PPP6R1: variants seen among roughly 807,000 people sequenced by gnomAD.
PPP6R1 encodes the protein serine/threonine-protein phosphatase 6 regulatory subunit 1.
PPP6R1 carries 39 observed loss-of-function variants against 104.6 expected under a neutral mutation model. The observed-to-expected ratio is 0.37, with a 90% confidence interval of 0.29 to 0.49. The LOEUF (loss-of-function observed/expected upper bound fraction) is 0.49. Among genes scored for constraint, PPP6R1 ranks in the 20% least tolerant of loss-of-function variants. The pLI is 0.98. For synonymous variants in PPP6R1, 549 were observed against 479.0 expected (o/e 1.15, Z -1.91); for missense variants, 1,181 against 1,155.8 (o/e 1.02, Z -0.32).
downstream of PPP6R1, chr19:55,228,713 A>G: frequency 6.2e-7 from 1 of 1,613,198 alleles, no homozygotes; most frequent in Non-Finnish European, 8.5e-7. Context: ...GTGAGTCTTC[A>G]GGGTCTGCCC....
chr19:55,231,358 A>G, intron 21 of PPP6R1, 52 bp downstream of exon 21: 3 of 1,516,144 alleles, frequency 2.0e-6, no homozygotes, highest in Non-Finnish European at 2.7e-6. Context: ...CACCTCAGCG[A>G]AGAGGAGAAA....
downstream of PPP6R1, chr19:55,228,773 T>C: frequency 6.2e-7 from 1 of 1,609,312 alleles, no homozygotes; most frequent in Non-Finnish European, 8.5e-7. Flanking sequence ...CGACCTAATC[T>C]GGGAGCGAGT....
intron 1 of PPP6R1, among the ~76,000 whole-genome samples, chr19:55,257,384 T>C (rs1301234899): frequency 6.6e-6 from 1 of 152,218 alleles, no homozygotes; most frequent in African/African-American, 2.4e-5. Context: ...ACATCTTGCC[T>C]TTCAGGCGGG....
At chr19:55,256,070 A>G (rs2087590900) in intron 1 of PPP6R1, among the ~76,000 whole-genome samples, 1 of 152,242 alleles carries the variant, frequency 6.6e-6, no homozygotes, top group Non-Finnish European at 1.5e-5. Flanking sequence ...ACTGGGCCAC[A>G]CATCCCACAA....
At chr19:55,256,415 G>T (rs908008647) in intron 1 of PPP6R1, among the ~76,000 whole-genome samples, 1 of 152,250 alleles carries the variant, frequency 6.6e-6, no homozygotes, top group Non-Finnish European at 1.5e-5. Flanking sequence ...CCCCCCAGTT[G>T]TAACAACCAA....
chr19:55,252,160 C>T (rs992925513), intron 1 of PPP6R1, among the ~76,000 whole-genome samples: 2 of 152,194 alleles, frequency 1.3e-5, no homozygotes, highest in Non-Finnish European at 2.9e-5. Context: ...AAAAAAAGTT[C>T]CAAAATCAAT....
intron 15 of PPP6R1, chr19:55,239,189 G>C (rs2087425807): frequency 1.7e-6 from 1 of 581,984 alleles, no homozygotes; most frequent in Admixed American, 2.9e-5. Context: ...CTCTCGGAGA[G>C]AAGAGACTGC....
Position 55,245,697 on chromosome 19 carries a change from C to T in PPP6R1, c.228-19G>A, listed in dbSNP as rs974796013. On this transcript the variant is annotated intron_variant, in intron 2 of 23. Transcript: ENST00000412770. The surrounding 1 kb of genome is among the most constrained non-coding windows in gnomAD (Gnocchi z 6.4). ...GGGGTACCTGGGAGGCAAGCACAGG[C>T]GGGTGGGGGCTCGGGTCGGAGGCCG... The T allele has an allele frequency of 4.7e-5, 55 of 1,178,460 alleles. No individual in the cohort carries two copies. The highest frequency in any genetic ancestry group is 3.3e-4 in the Middle Eastern group (1 of 3,042). The allele number at this position is 1,178,460 out of a possible 1,614,324, so 73.0% of individuals were successfully genotyped here.
At position 55,246,933 on chromosome 19, in the gene PPP6R1, C is replaced by G. The variant is rs747039081; in HGVS notation, c.171G>C (p.Met57Ile). 2 of 1,613,576 alleles carry G rather than the reference C, an allele frequency of 1.2e-6. No individual in the cohort carries two copies. Among genetic ancestry groups the G allele is most frequent in the Non-Finnish European group, 1.7e-6 (2 of 1,179,804 alleles). ...GCGGCTCCTGGGTGACCCAGGCCAC[C>G]ATTGCTTGCAGGTGGGGTGGCTGCA... Reference protein sequence around the residue: ...FLLQPPHLQAMVAWVTQEPPD... With the variant: ...FLLQPPHLQAIVAWVTQEPPD... Residue 57 changes from methionine (M) to isoleucine (I), a missense_variant, in exon 2 of 24, where the codon ATG becomes ATC. Physicochemically the swap from Met to Ile is conservative, Grantham distance 10. Coordinates refer to ENST00000412770, the MANE Select transcript of PPP6R1 (RefSeq NM_014931.4).
intron 2 of PPP6R1, 137 bp downstream of exon 2, chr19:55,246,740 G>A: frequency 9.2e-6 from 8 of 869,488 alleles, no homozygotes; most frequent in Non-Finnish European, 1.4e-5. Flanking sequence ...GAGCCTGGCT[G>A]CTCCCAGCCT....
chr19:55,231,773 C>T, intron 19 of PPP6R1, 29 bp downstream of exon 19: 2 of 1,492,492 alleles, frequency 1.3e-6, no homozygotes, highest in Non-Finnish European at 1.8e-6. Flanking sequence ...GATACCAGCA[C>T]CATTTAGCCC....
chr19:55,249,238 C>G (rs2087534634), intron 1 of PPP6R1, among the ~76,000 whole-genome samples: 1 of 152,146 alleles, frequency 6.6e-6, no homozygotes, highest in African/African-American at 2.4e-5. Context: ...CACCAGTCCA[C>G]TTTTCCCAAT....
rs375434586 is a variant in PPP6R1, at chr19:55,232,061, G to A, written c.2125+14C>T. 408 of 1,611,958 alleles carry A rather than the reference G, an allele frequency of 2.5e-4. No homozygotes were observed. Among genetic ancestry groups the A allele is most frequent in the Middle Eastern group, 3.3e-4 (2 of 6,058 alleles). On this transcript the variant is annotated intron_variant, in intron 18 of 23. Transcript: ENST00000412770. ...AGCCCTGTGTACACCTGACCACACC[G>A]CCCATTCATTCACCTGGAGGCTGAG... is the stretch of plus-strand genomic sequence containing the variant.
At position 55,247,117 on chromosome 19, in the gene PPP6R1, CAT is replaced by C; in HGVS notation, c.-6-10_-6-9del. On this transcript the variant is annotated splice_polypyrimidine_tract_variant and intron_variant, in intron 1 of 23. Transcript: ENST00000412770. ...CTTCCAAAACATGGCGCCCTGCAGG[CAT>C]AGACACAACCAGCGCCGCGTCAGAC... 1 of 1,610,552 alleles carries C rather than the reference CAT, an allele frequency of 6.2e-7. No homozygotes were observed. Among genetic ancestry groups the C allele is most frequent in the Non-Finnish European group, 8.5e-7 (1 of 1,178,778 alleles).
At chr19:55,235,733 T>C (rs2087391746) in intron 17 of PPP6R1, among the ~76,000 whole-genome samples, 1 of 151,830 alleles carries the variant, frequency 6.6e-6, no homozygotes, top group African/African-American at 2.4e-5. Flanking sequence ...TTAGCCAGGA[T>C]GGTCTTGATC....
chr19:55,228,236 C>G (rs762262889), downstream of PPP6R1: 40 of 1,612,248 alleles, frequency 2.5e-5, no homozygotes, highest in African/African-American at 5.2e-4. Flanking sequence ...TCCCCCACAG[C>G]CGAGCACACA....
intron 1 of PPP6R1, among the ~76,000 whole-genome samples, chr19:55,256,504 C>A (rs2087594542): frequency 6.6e-6 from 1 of 152,188 alleles, no homozygotes; most frequent in Non-Finnish European, 1.5e-5. Flanking sequence ...TGGACATTCC[C>A]AAATCAAATA....
rs2087462532 is a variant in PPP6R1, at chr19:55,241,991, CAAG to C, written c.845+172_845+174del. On this transcript the variant is annotated intron_variant, in intron 7 of 23. Coordinates refer to ENST00000412770, the MANE Select transcript of PPP6R1 (RefSeq NM_014931.4). This position sits in a 1 kb window ranked among gnomAD's most constrained non-coding sequence, Gnocchi z 5.4. ...CAGTGCCCTCACTTGTCAAAGCAGA[CAAG>C]AAGATTCCTCCCTCGGCCCCGTACT... is the stretch of plus-strand genomic sequence containing the variant. 6.6e-6 allele frequency among the ~76,000 whole-genome samples: 1 copy of C among 152,160 alleles called. No individual in the cohort carries two copies. The highest frequency in any genetic ancestry group is 2.1e-4 in the South Asian group (1 of 4,826).
At position 55,236,453 on chromosome 19, in the gene PPP6R1, G is replaced by GC. The variant is rs576810239; in HGVS notation, c.1988+189dup. 4.9e-4 allele frequency: 315 copies of GC among 636,760 alleles called. 2 individuals carry two copies. The African/African-American group carries it at 5.3e-3, about 11-fold the overall frequency. 39.4% of individuals were successfully genotyped at this position (636,760 alleles called of 1,614,324 possible). ...TTACAGGCACTCAGGGATTACATGAGCCCACCATGCTTGGCCTTGAATTAG... is the reference window on the plus strand; with the variant it reads ...TTACAGGCACTCAGGGATTACATGAGCCCCACCATGCTTGGCCTTGAATTAG... On this transcript the variant is annotated intron_variant, in intron 17 of 23. Coordinates refer to ENST00000412770, the MANE Select transcript of PPP6R1 (RefSeq NM_014931.4).
Sources: gnomAD v4.1 joint callset for allele counts (sites outside exome capture counted in the v4.1 genomes callset) on GRCh38, gnomAD v4.1.1 for gene constraint, Gnocchi (gnomAD v3.1) non-coding constraint, MANE v1.5 for transcripts, NCBI Gene and HGNC (gene_info 2026-07-23, HGNC 2026-07-21) for gene names.